Variants in CDK14 observed in about 807,000 individuals in gnomAD.
CDK14 encodes the protein cyclin dependent kinase 14, also known as cyclin-dependent kinase 14.
Under a neutral mutation model 60.7 loss-of-function variants are expected in CDK14, and 34 were observed. The ratio of observed to expected loss-of-function variants is 0.56; its 90% CI spans 0.43 to 0.75. CDK14 has a LOEUF of 0.75. Ranked by LOEUF, CDK14 falls within the 30% of genes least tolerant of loss-of-function variation. The pLI is 0.00. For synonymous variants in CDK14, 197 were observed against 203.7 expected, an observed-to-expected ratio of 0.97 and a Z score of 0.28; for missense variants, 482 against 564.1, an observed-to-expected ratio of 0.85 and a Z score of 1.47.
chr7:91,103,824 C>T (rs1488893335), intron 12 of CDK14, among the ~76,000 whole-genome samples: 8 of 142,716 alleles, frequency 5.6e-5, no homozygotes, highest in Admixed American at 5.5e-4. Flanking sequence ...TGCAAGGAGA[C>T]CGAGAGAGAG....
intron 9 of CDK14, among the ~76,000 whole-genome samples, chr7:90,980,656 CTT>C (rs1554397234): frequency 2.0e-5 from 3 of 152,082 alleles, no homozygotes; most frequent in Non-Finnish European, 4.4e-5. Context: ...CATTTTATCT[CTT>C]GTTGTGAGTC....
At chr7:90,635,386 A>T (rs1800117614) in intron 2 of CDK14, among the ~76,000 whole-genome samples, 1 of 152,226 alleles carries the variant, frequency 6.6e-6, no homozygotes. Flanking sequence ...TTTATTAAAT[A>T]GGGAATCCTT....
At chr7:90,967,148 G>A (rs62468482) in intron 9 of CDK14, among the ~76,000 whole-genome samples, 5,193 of 134,856 alleles carry the variant, frequency 0.039, 137 homozygotes, top group South Asian at 0.064. Context: ...GGAGGTAGGG[G>A]GAGAGGGAGG....
At chr7:91,133,459 T>A (rs189471299) in intron 14 of CDK14, among the ~76,000 whole-genome samples, 1 of 151,872 alleles carries the variant, frequency 6.6e-6, no homozygotes, top group East Asian at 1.9e-4. Flanking sequence ...AAGAACAGAG[T>A]AGACCATTTA....
chr7:90,786,028 A>G (rs1261497820), intron 4 of CDK14, among the ~76,000 whole-genome samples: 1 of 152,160 alleles, frequency 6.6e-6, no homozygotes, highest in Middle Eastern at 3.2e-3. Flanking sequence ...ACTCCTGCCC[A>G]GTGCAGTTCT....
intron 2 of CDK14, among the ~76,000 whole-genome samples, chr7:90,613,659 C>T (rs1216241611): frequency 6.6e-6 from 1 of 151,902 alleles, no homozygotes; most frequent in Non-Finnish European, 1.5e-5. Flanking sequence ...TGCACACCAG[C>T]CTGGGTGACA....
chr7:90,905,174 T>C (rs370934968), intron 7 of CDK14, among the ~76,000 whole-genome samples: 1 of 152,140 alleles, frequency 6.6e-6, no homozygotes, highest in African/African-American at 2.4e-5. Flanking sequence ...AATCCAGGGA[T>C]GACAATTGTG....
chr7:90,786,754 A>G (rs1805598798), intron 4 of CDK14, among the ~76,000 whole-genome samples: 1 of 113,466 alleles, frequency 8.8e-6, no homozygotes, highest in Non-Finnish European at 1.8e-5. Context: ...TTTTCTCTAA[A>G]ATTTTTTTTT....
At chr7:90,759,770 C>T (rs1804242739) in intron 4 of CDK14, among the ~76,000 whole-genome samples, 1 of 152,204 alleles carries the variant, frequency 6.6e-6, no homozygotes, top group South Asian at 2.1e-4. Context: ...TCAGACTTCA[C>T]ATGCCATTTA....
At chr7:91,034,082 T>A (rs1479662925) in intron 10 of CDK14, among the ~76,000 whole-genome samples, 1 of 152,222 alleles carries the variant, frequency 6.6e-6, no homozygotes, top group Admixed American at 6.5e-5. Flanking sequence ...TCCTCGACTT[T>A]CTTTAGCAGC....
chr7:90,769,679 C>T (rs1401882269), intron 4 of CDK14, among the ~76,000 whole-genome samples: 1 of 152,114 alleles, frequency 6.6e-6, no homozygotes, highest in Non-Finnish European at 1.5e-5. Flanking sequence ...GTTGGCCAGG[C>T]TGGTCTTGGA....
At chr7:90,886,530 C>G (rs1185835169) in intron 6 of CDK14, among the ~76,000 whole-genome samples, 1 of 152,152 alleles carries the variant, frequency 6.6e-6, no homozygotes, top group African/African-American at 2.4e-5. Flanking sequence ...CCCAAACAGA[C>G]TAGATGGGAT....
intron 5 of CDK14, among the ~76,000 whole-genome samples, chr7:90,792,158 C>T (rs1195506817): frequency 1.3e-5 from 2 of 151,172 alleles, no homozygotes; most frequent in Admixed American, 6.6e-5. Flanking sequence ...CCTCGGCCTC[C>T]CAAAGTGCTG....
At chr7:90,950,904 T>G (rs1473890707) in intron 8 of CDK14, among the ~76,000 whole-genome samples, 1 of 152,210 alleles carries the variant, frequency 6.6e-6, no homozygotes, top group East Asian at 1.9e-4. Flanking sequence ...AATATTTGTT[T>G]GTTGGTTGTT....
At chr7:91,039,204 G>T (rs7803107) in intron 10 of CDK14, among the ~76,000 whole-genome samples, 1 of 151,912 alleles carries the variant, frequency 6.6e-6, no homozygotes, top group African/African-American at 2.4e-5. Context: ...CCCCCACCGC[G>T]CTCATTACAC....
At chr7:90,796,251 C>T (rs1379976089) in intron 5 of CDK14, among the ~76,000 whole-genome samples, 1 of 152,030 alleles carries the variant, frequency 6.6e-6, no homozygotes, top group African/African-American at 2.4e-5. Context: ...ATCTGATATT[C>T]AGATAGGATA....
chr7:91,004,163 GA>G (rs1203749150), intron 10 of CDK14, among the ~76,000 whole-genome samples: 2 of 152,164 alleles, frequency 1.3e-5, no homozygotes, highest in Non-Finnish European at 2.9e-5. Context: ...AAATATGAAA[GA>G]AGAGATATAT....
At chr7:90,832,452 G>A (rs1485663054) in intron 5 of CDK14, among the ~76,000 whole-genome samples, 1 of 152,102 alleles carries the variant, frequency 6.6e-6, no homozygotes, top group Non-Finnish European at 1.5e-5. Flanking sequence ...TCCTAAAGTA[G>A]CTTGTCATTT....
chr7:91,024,086 TAAAG>T (rs1225927856), intron 10 of CDK14, among the ~76,000 whole-genome samples: 2 of 151,202 alleles, frequency 1.3e-5, no homozygotes, highest in Non-Finnish European at 2.9e-5. Flanking sequence ...AAGCGTATCT[TAAAG>T]AAGCTAAGCA....
Sources: allele counts gnomAD v4.1 joint callset (sites outside exome capture counted in the v4.1 genomes callset), GRCh38; gene constraint gnomAD v4.1.1; transcripts MANE v1.5; gene names NCBI Gene and HGNC (gene_info 2026-07-23, HGNC 2026-07-21).